The following E2F8 variants were observed in gnomAD, a reference collection of about 807,000 sequenced individuals.
E2F8 encodes transcription factor E2F8.
Under a neutral mutation model 80.8 loss-of-function variants are expected in E2F8, and 35 were observed. The ratio of observed to expected loss-of-function variants is 0.43; its 90% CI spans 0.33 to 0.57. E2F8 has a LOEUF of 0.57. Among genes scored for constraint, E2F8 ranks in the 20% least tolerant of loss-of-function variants. E2F8 has a pLI of 0.04. For synonymous variants in E2F8, 386 were observed against 395.0 expected, an observed-to-expected ratio of 0.98 and a Z score of 0.27; for missense variants, 975 against 1,056.2, an observed-to-expected ratio of 0.92 and a Z score of 1.07.
chr11:19,241,221 C>A (rs1443819942), upstream of E2F8, among the ~76,000 whole-genome samples: 1 of 152,204 alleles, frequency 6.6e-6, no homozygotes, highest in African/African-American at 2.4e-5. This position sits in a 1 kb window ranked among gnomAD's most constrained non-coding sequence, Gnocchi z 4.5. Flanking sequence ...GCGCCCGGAA[C>A]CACGGCAACC....
chr11:19,225,043 C>T (rs793276), intron 12 of E2F8, 178 bp downstream of exon 12: 927,920 of 1,124,034 alleles, frequency 0.83, 385,036 homozygotes, highest in African/African-American at 0.92. Context: ...GATAACCCAA[C>T]AATATGGATG....
At chr11:19,235,158 A>T (rs967376663) in intron 4 of E2F8, 100 bp from the exon 5 acceptor site, 6 of 1,073,782 alleles carry the variant, frequency 5.6e-6, no homozygotes, top group Non-Finnish European at 6.6e-6. Flanking sequence ...GGTCTTGGAT[A>T]ATATCACTTT....
rs777067480 is a variant in E2F8, at chr11:19,224,745, C to T, written c.2517G>A (p.Met839Ile). Residue 839 changes from methionine to isoleucine, a missense_variant, in exon 13 of 13, where the codon ATG becomes ATA. Met to Ile is a conservative substitution (Grantham distance 10, BLOSUM62 1). Coordinates refer to ENST00000250024, the MANE Select transcript of E2F8 (RefSeq NM_024680.4). ...AGGTTTTATTAGCACCCTCAAAATC[C>T]ATGCAGGATGAGCTGGTTGGCTTGG... ...GPTKPTSSSC[M>I]DFEGANKTSL... 2 of 1,614,152 alleles carry T rather than the reference C, an allele frequency of 1.2e-6. No homozygotes were observed. The highest frequency in any genetic ancestry group is 1.7e-6 in the Non-Finnish European group (2 of 1,180,030).
In E2F8 at chr11:19,229,014, G is replaced by A. The variant is rs374237298; in HGVS notation, c.1893+440C>T. 4.6e-5 allele frequency among the ~76,000 whole-genome samples: 7 copies of A among 152,222 alleles called. No homozygotes were observed. The South Asian group carries it at 8.3e-4, about 18-fold the overall frequency. On this transcript the variant is annotated intron_variant, in intron 10 of 12. Transcript: ENST00000250024. The surrounding 1 kb of genome is among the most constrained non-coding windows in gnomAD (Gnocchi z 4.3). ...AATTTTAGGTAGAAAGTAAAAACGG[G>A]GAGCAATTTATCTTCTAGGCAACAG...
At chr11:19,226,782 T>C (rs1449373474) in intron 10 of E2F8, among the ~76,000 whole-genome samples, 1 of 152,198 alleles carries the variant, frequency 6.6e-6, no homozygotes, top group Non-Finnish European at 1.5e-5. Flanking sequence ...TAAGTAAAGA[T>C]TTCTTTCTAG....
rs1381130333 is a variant in E2F8 at position 19,237,305 on chromosome 11, C to CAT, written c.451+7_451+8dup. ...ATTAATTCTTTCAGTGAGTTCTTTG[C>CAT]ATACTTACTAAGTTCCTCTGCCACT... On this transcript the variant is annotated intron_variant, in intron 4 of 12. Transcript: ENST00000250024. 6.2e-7 allele frequency: 1 copy of CAT among 1,613,702 alleles called. No homozygotes were observed. Among genetic ancestry groups the CAT allele is most frequent in the Admixed American group, 1.7e-5 (1 of 59,966 alleles).
intron 4 of E2F8, among the ~76,000 whole-genome samples, chr11:19,236,320 G>A (rs1851515724): frequency 6.6e-6 from 1 of 152,146 alleles, no homozygotes; most frequent in Non-Finnish European, 1.5e-5. Context: ...CAGCACTCCT[G>A]ATCCCTTGAT....
At chr11:19,232,395 A>G (rs1204268294) in intron 6 of E2F8, 24 bp from the exon 7 acceptor site, 3 of 1,576,402 alleles carry the variant, frequency 1.9e-6, no homozygotes, top group Middle Eastern at 3.4e-4. Flanking sequence ...TATATATACC[A>G]CTTAATGGAA....
Position 19,234,906 on chromosome 11 carries a change from ACT to A in E2F8, c.602_603del (p.Lys201IlefsTer14). The A allele has an allele frequency of 6.2e-7, 1 of 1,614,190 alleles. No individual in the cohort carries two copies. Among genetic ancestry groups the A allele is most frequent in the Non-Finnish European group, 8.5e-7 (1 of 1,180,034 alleles). ...TTGATCATCATAATCTGCTCGGCGTACTTATTCTCCTCCCCGATGCTCTTCAA... is the reference window on the plus strand; with the variant it reads ...TTGATCATCATAATCTGCTCGGCGTATATTCTCCTCCCCGATGCTCTTCAA... ...GTLKSIGEEN[K>X]YAEQIMMIKK... On this transcript the variant is annotated frameshift_variant, in exon 5 of 13. Coordinates refer to ENST00000250024, the MANE Select transcript of E2F8 (RefSeq NM_024680.4). LOFTEE classifies it high-confidence loss of function.
In E2F8 at chr11:19,224,705, A is replaced by T. The variant is rs773962323; in HGVS notation, c.2557T>A (p.Phe853Ile). The T allele has an allele frequency of 1.9e-6, 3 of 1,614,204 alleles. No homozygotes were observed. The highest frequency in any genetic ancestry group is 1.6e-4 in the Middle Eastern group (1 of 6,062). ...GANKTSLGTLFVPQRKLEVST... is the reference protein window; with the variant it reads ...GANKTSLGTLIVPQRKLEVST... ...ACTTCCAGTTTTCGCTGTGGGACAA[A>T]GAGAGTTCCTAAGGAGGTTTTATTA... Residue 853 changes from phenylalanine to isoleucine, a missense_variant, in exon 13 of 13, where the codon TTT becomes ATT. Transcript: ENST00000250024.
At position 19,229,019 on chromosome 11, in the gene E2F8, A is replaced by T. The variant is rs1000709400; in HGVS notation, c.1893+435T>A. The stretch of plus-strand genomic sequence containing the variant: ...TAGGTAGAAAGTAAAAACGGGGAGC[A>T]ATTTATCTTCTAGGCAACAGATGCC... On this transcript the variant is annotated intron_variant, in intron 10 of 12. Coordinates refer to ENST00000250024, the MANE Select transcript of E2F8 (RefSeq NM_024680.4). This position sits in a 1 kb window ranked among gnomAD's most constrained non-coding sequence, Gnocchi z 4.3. 2.6e-5 allele frequency among the ~76,000 whole-genome samples: 4 copies of T among 152,218 alleles called. No individual in the cohort carries two copies. Among genetic ancestry groups the T allele is most frequent in the African/African-American group, 9.7e-5 (4 of 41,448 alleles).
chr11:19,232,064 A>G lies in E2F8; in HGVS notation c.1066+170T>C, dbSNP rs141874301. Among the ~76,000 whole-genome samples the G allele has an allele frequency of 7.0e-3, 1,070 of 152,312 alleles. 10 individuals are homozygous for G. Among genetic ancestry groups the G allele is most frequent in the African/African-American group, 0.024 (1,012 of 41,562 alleles). ...GAGCTGGAAGCCATCATCCTCAGCA[A>G]ACTAACATAGGAATAGAAAATCAAA... On this transcript the variant is annotated intron_variant, in intron 7 of 12. Coordinates refer to ENST00000250024, the MANE Select transcript of E2F8 (RefSeq NM_024680.4).
intron 2 of E2F8, among the ~76,000 whole-genome samples, chr11:19,239,781 G>A (rs964328641): frequency 2.7e-5 from 4 of 148,290 alleles, no homozygotes; most frequent in African/African-American, 9.9e-5. Flanking sequence ...GTATTTTTAA[G>A]AATAATAAAA....
At chr11:19,240,039 T>G in intron 2 of E2F8, 68 bp downstream of exon 2, 1 of 1,299,162 alleles carries the variant, frequency 7.7e-7, no homozygotes, top group Admixed American at 2.5e-5. Context: ...TAGGGAAAAA[T>G]TATGGAGTTA....
At position 19,238,216 on chromosome 11, in the gene E2F8, T is replaced by A. The variant is rs550797525; in HGVS notation, c.16-84A>T. The A allele has an allele frequency of 1.5e-5, 21 of 1,378,002 alleles. No individual in the cohort carries two copies. In the African/African-American group the frequency reaches 3.0e-4, roughly 20 times the overall value. The allele number at this position is 1,378,002 out of a possible 1,614,324, so 85.4% of individuals were successfully genotyped here. A position where few individuals can be genotyped will look rare whatever the true frequency, so the allele number is the denominator to read the frequency against. On this transcript the variant is annotated intron_variant, in intron 2 of 12. Transcript: ENST00000250024. ...TGGATTCTAGAAATTGCATAACGAA[T>A]AGAATCATGCCAAGGAAAAAATGTC... is the stretch of plus-strand genomic sequence containing the variant.
At chr11:19,235,995 T>C (rs946501058) in intron 4 of E2F8, among the ~76,000 whole-genome samples, 14 of 152,352 alleles carry the variant, frequency 9.2e-5, no homozygotes, top group African/African-American at 2.4e-4. Flanking sequence ...CTATTTAAAT[T>C]GGGTTTTCAA....
At position 19,226,137 on chromosome 11, in the gene E2F8, G is replaced by A. The variant is rs1456024101; in HGVS notation, c.1894-273C>T. The A allele has an allele frequency of 1.2e-5, 5 of 412,776 alleles. No individual in the cohort carries two copies. In the East Asian group the frequency reaches 2.0e-4, roughly 16 times the overall value. The allele number at this position is 412,776 out of a possible 1,614,324, so 25.6% of individuals were successfully genotyped here. A position where few individuals can be genotyped will look rare whatever the true frequency, so the allele number is the denominator to read the frequency against. On this transcript the variant is annotated intron_variant, in intron 10 of 12. Coordinates refer to ENST00000250024, the MANE Select transcript of E2F8 (RefSeq NM_024680.4). ...GATGATGGCACTGACCCTGCTTAGG[G>A]GTAAGGATTCATCCAGCACACCACT...
intron 10 of E2F8, among the ~76,000 whole-genome samples, chr11:19,226,984 G>A (rs1186280996): frequency 6.6e-6 from 1 of 152,202 alleles, no homozygotes; most frequent in Admixed American, 6.5e-5. Flanking sequence ...CTCCCAACAT[G>A]CCTATTAGAT....
chr11:19,238,085 A>C lies in E2F8; in HGVS notation c.63T>G (p.Pro21=), dbSNP rs367826066. Residue 21 remains proline (P), a synonymous_variant, in exon 3 of 13, where the codon CCT becomes CCG. Coordinates refer to ENST00000250024, the MANE Select transcript of E2F8 (RefSeq NM_024680.4). ...EPHKRGLMKT[P]LKESTTANIV... ...TATTTGCTGTGGTGGATTCTTTCAG[A>C]GGTGTTTTCATTAGTCCCCTTTTAT... The C allele has an allele frequency of 6.2e-7, 1 of 1,614,002 alleles. No homozygotes were observed. The highest frequency in any genetic ancestry group is 8.5e-7 in the Non-Finnish European group (1 of 1,180,034).
Sources: gnomAD v4.1 joint callset for allele counts (sites outside exome capture counted in the v4.1 genomes callset) on GRCh38, gnomAD v4.1.1 for gene constraint, Gnocchi (gnomAD v3.1) non-coding constraint, MANE v1.5 for transcripts, NCBI Gene and HGNC (gene_info 2026-07-23, HGNC 2026-07-21) for gene names.